The following DENND1B variants were observed in gnomAD, a reference collection of about 807,000 sequenced individuals.
The protein encoded by DENND1B is DENN domain-containing protein 1B.
DENND1B carries 59 observed loss-of-function variants against 90.1 expected under a neutral mutation model. That is an observed-to-expected ratio of 0.65 (90% CI 0.53 to 0.81). DENND1B has a LOEUF of 0.81. Among genes scored for constraint, DENND1B ranks in the 40% least tolerant of loss-of-function variants. The pLI is 0.00. For synonymous variants in DENND1B, 337 were observed against 324.6 expected, an observed-to-expected ratio of 1.04 and a Z score of -0.41; for missense variants, 862 against 912.6, an observed-to-expected ratio of 0.94 and a Z score of 0.71.
upstream of DENND1B, among the ~76,000 whole-genome samples, chr1:197,776,998 T>C (rs1657303545): frequency 6.6e-6 from 1 of 152,220 alleles, no homozygotes; most frequent in Admixed American, 6.5e-5. Context: ...TGAGAAATTA[T>C]TCTGTGAATT....
At chr1:197,619,624 C>A (rs1011694821) in intron 10 of DENND1B, among the ~76,000 whole-genome samples, 1 of 150,936 alleles carries the variant, frequency 6.6e-6, no homozygotes, top group Admixed American at 6.6e-5. Context: ...ATATTTAATA[C>A]CTCACTTTAT....
chr1:197,639,465 G>C (rs1439237957), intron 10 of DENND1B, among the ~76,000 whole-genome samples: 2 of 152,274 alleles, frequency 1.3e-5, no homozygotes, highest in East Asian at 3.9e-4. Flanking sequence ...ACAGCAAGCT[G>C]TAAGGTTTAT....
chr1:197,536,296 T>C (rs1669900612), intron 20 of DENND1B, among the ~76,000 whole-genome samples: 1 of 152,156 alleles, frequency 6.6e-6, no homozygotes, highest in African/African-American at 2.4e-5. Context: ...CAATTAGATG[T>C]CCTAAAGAAT....
At chr1:197,761,324 T>C (rs1003740710) in intron 2 of DENND1B, among the ~76,000 whole-genome samples, 28 of 152,136 alleles carry the variant, frequency 1.8e-4, no homozygotes, top group African/African-American at 6.5e-4. Flanking sequence ...TTATATTACT[T>C]CCTCTTCCAA....
At position 197,595,837 on chromosome 1, in the gene DENND1B, G is replaced by A. The variant is rs147132102; in HGVS notation, c.922-504C>T. 9.9e-5 allele frequency among the ~76,000 whole-genome samples: 15 copies of A among 152,180 alleles called. No homozygotes were observed. The East Asian group carries it at 2.9e-3, about 29-fold the overall frequency. ...TGTCATTATGAGATAAAGAAGAGGG[G>A]AGAAGAGATAAAGTTATTGAAATTA... is the stretch of plus-strand genomic sequence containing the variant. On this transcript the variant is annotated intron_variant, in intron 13 of 22. Transcript: ENST00000620048.
At chr1:197,780,634 TC>T (rs1334541469), upstream of DENND1B, among the ~76,000 whole-genome samples, 1 of 152,106 alleles carries the variant, frequency 6.6e-6, no homozygotes, top group African/African-American at 2.4e-5. Flanking sequence ...CTTTTATTTG[TC>T]CCCCATCCTC....
chr1:197,696,311 GATTA>G (rs778853909), intron 3 of DENND1B, among the ~76,000 whole-genome samples: 3 of 151,346 alleles, frequency 2.0e-5, no homozygotes, highest in Non-Finnish European at 3.0e-5. Context: ...ACCAAGATTT[GATTA>G]ATTAATGGAA....
chr1:197,549,263 T>A (rs914512148), intron 16 of DENND1B, among the ~76,000 whole-genome samples: 1 of 152,150 alleles, frequency 6.6e-6, no homozygotes, highest in African/African-American at 2.4e-5. Flanking sequence ...TTTGTACTCA[T>A]TTATCTCAAA....
intron 2 of DENND1B, chr1:197,734,616 TA>T (rs1020092542): frequency 1.1e-3 from 831 of 774,740 alleles, no homozygotes; most frequent in South Asian, 2.7e-3. Context: ...ATTCGTAATT[TA>T]AAAAAAAAAA....
chr1:197,567,895 T>C (rs1197942596), intron 15 of DENND1B, among the ~76,000 whole-genome samples: 3 of 151,290 alleles, frequency 2.0e-5, no homozygotes, highest in Non-Finnish European at 4.4e-5. Context: ...AAGACAAGAG[T>C]TCTCATTCTC....
chr1:197,721,759 C>T (rs1661203458), intron 2 of DENND1B, among the ~76,000 whole-genome samples: 1 of 152,050 alleles, frequency 6.6e-6, no homozygotes, highest in South Asian at 2.1e-4. Context: ...AACTATACCA[C>T]TTACAGCAGA....
chr1:197,591,410 T>C lies in DENND1B; in HGVS notation c.1047+3798A>G, dbSNP rs1041549900. 2.6e-5 allele frequency among the ~76,000 whole-genome samples: 4 copies of C among 152,200 alleles called. No homozygotes were observed. The South Asian group carries it at 6.2e-4, about 24-fold the overall frequency. On this transcript the variant is annotated intron_variant, in intron 14 of 22. Coordinates refer to ENST00000620048, the MANE Select transcript of DENND1B (RefSeq NM_001195215.2). ...AATAAACAGAAGAAGTATATTCTTA[T>C]ACAATGAAGCAGCTTGCCATTGACT...
chr1:197,754,659 CAAAAAAAAAAAAAAAAA>C (rs57926782), intron 2 of DENND1B, among the ~76,000 whole-genome samples: 10 of 72,880 alleles, frequency 1.4e-4, no homozygotes, highest in Non-Finnish European at 2.3e-4. Context: ...GACTCTGTCT[CAAAAAAAAAAAAAAAAA>C]AAAAAAAAAA....
intron 11 of DENND1B, among the ~76,000 whole-genome samples, chr1:197,615,133 T>A (rs1480702901): frequency 6.6e-6 from 1 of 151,136 alleles, no homozygotes; most frequent in Non-Finnish European, 1.5e-5. Context: ...CTGTGCTGTG[T>A]GTGTGCATGT....
intron 2 of DENND1B, among the ~76,000 whole-genome samples, chr1:197,754,273 A>G (rs1653966857): frequency 6.6e-6 from 1 of 152,196 alleles, no homozygotes; most frequent in African/African-American, 2.4e-5. Flanking sequence ...CAATCTGCCA[A>G]TACATATCAA....
chr1:197,624,918 T>C (rs1036008070), intron 10 of DENND1B, among the ~76,000 whole-genome samples: 6 of 151,342 alleles, frequency 4.0e-5, no homozygotes, highest in Non-Finnish European at 7.4e-5. Context: ...AGGGTATCAG[T>C]GATGGAAGAT....
At chr1:197,576,980 G>T (rs1015045802) in intron 15 of DENND1B, among the ~76,000 whole-genome samples, 2 of 152,048 alleles carry the variant, frequency 1.3e-5, no homozygotes, top group Non-Finnish European at 2.9e-5. Context: ...TATATTCATG[G>T]AGAGCCCGTA....
At chr1:197,553,460 G>C (rs890831365) in intron 15 of DENND1B, among the ~76,000 whole-genome samples, 1 of 152,100 alleles carries the variant, frequency 6.6e-6, no homozygotes, top group Non-Finnish European at 1.5e-5. Context: ...TTTGTACAAA[G>C]GTACTGTTGC....
intron 19 of DENND1B, 64 bp downstream of exon 19, chr1:197,540,895 G>T (rs3902061): frequency 0.99 from 1,420,009 of 1,433,042 alleles, 704,249 homozygotes; most frequent in South Asian, 1. Flanking sequence ...TTCTAATTTG[G>T]AAGTATAAAC....
Sources: allele counts gnomAD v4.1 joint callset (sites outside exome capture counted in the v4.1 genomes callset), GRCh38; gene constraint gnomAD v4.1.1; transcripts MANE v1.5; gene names NCBI Gene and HGNC (gene_info 2026-07-23, HGNC 2026-07-21).